BZW2: variants seen among roughly 807,000 people sequenced by gnomAD.
BZW2 encodes basic leucine zipper and W2 domains 2.
Under a neutral mutation model 53.2 loss-of-function variants are expected in BZW2, and 23 were observed. The observed-to-expected ratio is 0.43, with a 90% CI of 0.31 to 0.61. The LOEUF (loss-of-function observed/expected upper bound fraction) is 0.61. BZW2 is among the 20% of genes least tolerant of loss of function. BZW2 has a pLI of 0.09. For missense variants in BZW2, 409 were observed against 503.1 expected, an observed-to-expected ratio of 0.81 and a Z score of 1.79; for synonymous variants, 227 against 186.4, an observed-to-expected ratio of 1.22 and a Z score of -1.77.
chr7:16,663,218 A>G (rs1782320161), intron 1 of BZW2, among the ~76,000 whole-genome samples: 2 of 152,202 alleles, frequency 1.3e-5, no homozygotes, highest in African/African-American at 4.8e-5. Context: ...GCCCCCATAC[A>G]CATAAGCAAT....
At chr7:16,697,870 C>CT (rs1783548585) in intron 9 of BZW2, 178 bp from the exon 10 acceptor site, 2 of 679,496 alleles carry the variant, frequency 2.9e-6, no homozygotes. Flanking sequence ...GACTATACTG[C>CT]TTTGTTCCTA....
intron 3 of BZW2, among the ~76,000 whole-genome samples, chr7:16,679,262 A>G (rs996158852): frequency 6.6e-6 from 1 of 152,158 alleles, no homozygotes; most frequent in African/African-American, 2.4e-5. Context: ...TGCAGTAAAG[A>G]CAGGCTTAAG....
At chr7:16,676,921 C>G (rs1782782710) in intron 3 of BZW2, among the ~76,000 whole-genome samples, 1 of 152,104 alleles carries the variant, frequency 6.6e-6, no homozygotes, top group African/African-American at 2.4e-5. Context: ...CTCTGCATGC[C>G]ACTTCTTACA....
rs377669851 is a variant in BZW2, at chr7:16,686,021, C to T, written c.522C>T (p.Thr174=). Residue 174 remains threonine, a synonymous_variant, in exon 6 of 12, where the codon ACC becomes ACT. Coordinates refer to ENST00000258761, the MANE Select transcript of BZW2 (RefSeq NM_014038.3). ...CCACCATCCTCACCAGTCTCTTCAC[C>T]GACAGCTTAGTCAAAGAAGGTAACG... The part of the protein sequence containing the change: ...LPATILTSLF[T]DSLVKEGIAA... The T allele has an allele frequency of 2.4e-5, 38 of 1,611,562 alleles. No homozygotes were observed. Among genetic ancestry groups the T allele is most frequent in the East Asian group, 4.5e-5 (2 of 44,840 alleles).
At chr7:16,704,011 C>T (rs569127799) in intron 10 of BZW2, among the ~76,000 whole-genome samples, 6 of 152,058 alleles carry the variant, frequency 3.9e-5, no homozygotes, top group East Asian at 1.9e-4. Context: ...GTGTATTACT[C>T]CCACAACATA....
At chr7:16,671,464 A>T (rs1239957715) in intron 2 of BZW2, among the ~76,000 whole-genome samples, 1 of 152,174 alleles carries the variant, frequency 6.6e-6, no homozygotes, top group Non-Finnish European at 1.5e-5. Context: ...AATACAAAAC[A>T]CTTAAGGAAA....
At chr7:16,677,561 G>T (rs1489256519) in intron 3 of BZW2, among the ~76,000 whole-genome samples, 4 of 152,196 alleles carry the variant, frequency 2.6e-5, no homozygotes, top group Non-Finnish European at 5.9e-5. Flanking sequence ...TAGCAGGCCG[G>T]TCCAGGGGTC....
At chr7:16,674,940 A>C (rs911638262) in intron 3 of BZW2, among the ~76,000 whole-genome samples, 2 of 152,206 alleles carry the variant, frequency 1.3e-5, no homozygotes, top group African/African-American at 2.4e-5. Flanking sequence ...TTAGTGTATA[A>C]ATTTCCAAGG....
At chr7:16,673,614 A>C (rs1782676347) in intron 2 of BZW2, among the ~76,000 whole-genome samples, 1 of 151,634 alleles carries the variant, frequency 6.6e-6, no homozygotes, top group South Asian at 2.1e-4. Context: ...ATAAACAAAA[A>C]CTCCCTTTGG....
intron 10 of BZW2, among the ~76,000 whole-genome samples, chr7:16,698,442 TG>T (rs1405814756): frequency 6.6e-6 from 1 of 152,198 alleles, no homozygotes; most frequent in East Asian, 1.9e-4. Flanking sequence ...AATTGTTTCT[TG>T]GGGTTGGTGG....
intron 11 of BZW2, among the ~76,000 whole-genome samples, chr7:16,705,314 C>A (rs958567567): frequency 1.3e-5 from 2 of 150,786 alleles, no homozygotes; most frequent in Admixed American, 1.3e-4. Flanking sequence ...GCCAAGATTG[C>A]GCCACTGCAC....
rs1254092542 is a variant in BZW2 at position 16,681,195 on chromosome 7, A to T, written c.236-106A>T. On this transcript the variant is annotated intron_variant, in intron 3 of 11. Coordinates refer to ENST00000258761, the MANE Select transcript of BZW2 (RefSeq NM_014038.3). ...AAATTTTATGTGACTCTTAGATTTT[A>T]CATCTACTTTGATTATTTTCTTTCA... The T allele has an allele frequency of 5.8e-6, 5 of 860,026 alleles. No individual in the cohort carries two copies. In the African/African-American group the frequency reaches 8.5e-5, roughly 15 times the overall value. 53.3% of individuals were successfully genotyped at this position (860,026 alleles called of 1,614,324 possible). A position where few individuals can be genotyped will look rare whatever the true frequency, so the allele number is the denominator to read the frequency against.
chr7:16,649,983 T>A (rs1781947797), intron 1 of BZW2, among the ~76,000 whole-genome samples: 1 of 152,140 alleles, frequency 6.6e-6, no homozygotes, highest in African/African-American at 2.4e-5. Context: ...AAAAAGAAAA[T>A]TTGGAAGTAT....
intron 7 of BZW2, among the ~76,000 whole-genome samples, chr7:16,690,211 T>TC (rs112049547): frequency 2.0e-5 from 3 of 152,032 alleles, no homozygotes; most frequent in Admixed American, 2.0e-4. Flanking sequence ...TTTTTACTTT[T>TC]TTTTTTTTTG....
At chr7:16,679,717 T>C (rs920121186) in intron 3 of BZW2, among the ~76,000 whole-genome samples, 1 of 152,238 alleles carries the variant, frequency 6.6e-6, no homozygotes, top group Non-Finnish European at 1.5e-5. Context: ...AGAGTGTTTG[T>C]CTTTTCAGCT....
chr7:16,646,877 G>A (rs941289551), intron 1 of BZW2, among the ~76,000 whole-genome samples: 2 of 152,184 alleles, frequency 1.3e-5, no homozygotes, highest in East Asian at 3.9e-4. Flanking sequence ...GACAGCCTGT[G>A]GGAGGGGGAA....
rs71007780 is a variant in BZW2, at chr7:16,678,087, C to CTTTT, written c.236-3192_236-3189dup. Among the ~76,000 whole-genome samples, 223 of 66,888 alleles carry CTTTT rather than the reference C, an allele frequency of 3.3e-3. 7 individuals carry two copies. Among genetic ancestry groups the CTTTT allele is most frequent in the African/African-American group, 0.011 (201 of 18,140 alleles). The allele number at this position is 66,888 out of a possible 152,430, so 43.9% of individuals were successfully genotyped here. A position where few individuals can be genotyped will look rare whatever the true frequency, so the allele number is the denominator to read the frequency against. On this transcript the variant is annotated intron_variant, in intron 3 of 11. Transcript: ENST00000258761. ...TCACAATTTACCTTCTTCCATTGTT[C>CTTTT]TTTTTTTTTTTTTTTTTTTTTTTTT... is the stretch of plus-strand genomic sequence containing the variant.
intron 7 of BZW2, among the ~76,000 whole-genome samples, chr7:16,692,404 T>C (rs1783337313): frequency 6.6e-6 from 1 of 152,178 alleles, no homozygotes; most frequent in Non-Finnish European, 1.5e-5. Flanking sequence ...ATGAAGCTTA[T>C]ATTCTATTTC....
chr7:16,685,876 CTTTTTTT>C lies in BZW2; in HGVS notation c.406-16_406-10del, dbSNP rs34699573. The C allele has an allele frequency of 7.5e-4, 965 of 1,293,612 alleles. 1 individual carries two copies. Among genetic ancestry groups the C allele is most frequent in the Middle Eastern group, 1.1e-3 (4 of 3,496 alleles). 80.1% of individuals were successfully genotyped at this position (1,293,612 alleles called of 1,614,324 possible). On this transcript the variant is annotated intron_variant, in intron 5 of 11. Transcript: ENST00000258761. ...TTCCTTTTTTTTTCTTTTTCTTTTTCTTTTTTTTTTTTTTTTTTTGACCCACAGCTTC... is the reference window on the plus strand; with the variant it reads ...TTCCTTTTTTTTTCTTTTTCTTTTTCTTTTTTTTTTTTGACCCACAGCTTC...
Sources: gnomAD v4.1 joint callset for allele counts (sites outside exome capture counted in the v4.1 genomes callset) on GRCh38, gnomAD v4.1.1 for gene constraint, MANE v1.5 for transcripts, NCBI Gene and HGNC (gene_info 2026-07-23, HGNC 2026-07-21) for gene names.